The following KRAS variants were observed in gnomAD, a reference collection of about 807,000 sequenced individuals.
KRAS encodes the protein GTPase KRas.
In KRAS, 1 loss-of-function variant was observed where a neutral mutation model predicts 21.0. The observed-to-expected ratio is 0.05, with a 90% CI of 0.02 to 0.23. The LOEUF (loss-of-function observed/expected upper bound fraction) is 0.23, where lower values mean the gene tolerates loss of function less well. Among genes scored for constraint, KRAS ranks in the 10% least tolerant of loss-of-function variants. The probability of loss-of-function intolerance (pLI) is 1.00; values close to 1 mark genes in which losing one functional copy is unlikely to be tolerated. For synonymous variants in KRAS, 67 were observed against 72.5 expected (o/e 0.92, Z 0.39); for missense variants, 107 against 221.8 (o/e 0.48, Z 3.29).
rs529619406 is a variant in KRAS, at chr12:25,218,587, A to T, written c.450+7027T>A. Among the ~76,000 whole-genome samples, 12 of 152,276 alleles carry T rather than the reference A, an allele frequency of 7.9e-5. 1 individual carries two copies. Among genetic ancestry groups the T allele is most frequent in the African/African-American group, 2.9e-4 (12 of 41,556 alleles). ...TAAGAAACTTAGGTTTTAGAGTACC[A>T]GTTATTTACCACAGTTTTTCAGACT... On this transcript the variant is annotated intron_variant, in intron 4 of 4. Coordinates refer to ENST00000311936, the MANE Select transcript of KRAS (RefSeq NM_004985.5).
chr12:25,241,250 A>G (rs574128819), intron 2 of KRAS, among the ~76,000 whole-genome samples: 3 of 152,350 alleles, frequency 2.0e-5, no homozygotes, highest in Admixed American at 6.5e-5. Context: ...AATCAATCAT[A>G]TAAGACTTTT....
Position 25,209,729 on chromosome 12 carries a change from T to G in KRAS, c.*66A>C. On this transcript the variant is annotated 3_prime_UTR_variant, in exon 5 of 5. Coordinates refer to ENST00000311936, the MANE Select transcript of KRAS (RefSeq NM_004985.5). ...GTAATGCTAAAACAAATGCTAATAA[T>G]TTAGTGTAATGTACAAAAATTACCA... 1 of 1,573,558 alleles carries G rather than the reference T, an allele frequency of 6.4e-7. No individual in the cohort carries two copies. Among genetic ancestry groups the G allele is most frequent in the Non-Finnish European group, 8.6e-7 (1 of 1,160,778 alleles).
chr12:25,209,357 C>A lies in KRAS; in HGVS notation c.*438G>T. The A allele has an allele frequency of 1.6e-6, 1 of 617,742 alleles. No individual in the cohort carries two copies. The highest frequency in any genetic ancestry group is 2.7e-5 in the South Asian group (1 of 37,526). The allele number at this position is 617,742 out of a possible 1,614,324, so 38.3% of individuals were successfully genotyped here. On this transcript the variant is annotated 3_prime_UTR_variant, in exon 5 of 5. Coordinates refer to ENST00000311936, the MANE Select transcript of KRAS (RefSeq NM_004985.5). ...GGAAGCCCATAAATTTGTGTTCCCT[C>A]AATGTTTCAGTAAAAACCAATTAGA...
intron 4 of KRAS, chr12:25,215,382 A>G (rs1342650874): frequency 6.2e-7 from 1 of 1,609,036 alleles, no homozygotes; most frequent in Non-Finnish European, 8.5e-7. Flanking sequence ...CCACCTTGTT[A>G]CCTTTAAAAG....
chr12:25,242,411 T>G (rs1164467320), intron 2 of KRAS, among the ~76,000 whole-genome samples: 1 of 152,196 alleles, frequency 6.6e-6, no homozygotes, highest in Non-Finnish European at 1.5e-5. Flanking sequence ...ACTTCAGGGT[T>G]TTGATAATAA....
At chr12:25,247,947 TAC>T (rs1951705575) in intron 1 of KRAS, among the ~76,000 whole-genome samples, 1 of 152,202 alleles carries the variant, frequency 6.6e-6, no homozygotes, top group South Asian at 2.1e-4. Flanking sequence ...TTTAAATGAA[TAC>T]ATTTTAAAAA....
intron 4 of KRAS, among the ~76,000 whole-genome samples, chr12:25,218,919 G>GA (rs1370034355): frequency 3.1e-4 from 33 of 108,194 alleles, no homozygotes; most frequent in East Asian, 2.2e-3. Context: ...GGGGTTTTTT[G>GA]TTTTTTTTTA....
chr12:25,214,690 A>C (rs4246228), intron 4 of KRAS, among the ~76,000 whole-genome samples: 74,943 of 152,088 alleles, frequency 0.49, 19,414 homozygotes, highest in East Asian at 0.8. Flanking sequence ...GCCCGGCCAA[A>C]AATGACATTT....
intron 4 of KRAS, among the ~76,000 whole-genome samples, chr12:25,224,418 A>C (rs1951365153): frequency 6.6e-6 from 1 of 152,096 alleles, no homozygotes; most frequent in Non-Finnish European, 1.5e-5. Context: ...TTTTAACAAA[A>C]AAGTTTAATA....
chr12:25,221,234 C>CTTT (rs34499686), intron 4 of KRAS, among the ~76,000 whole-genome samples: 1 of 138,872 alleles, frequency 7.2e-6, no homozygotes, highest in Non-Finnish European at 1.6e-5. Context: ...CAGCCACAGC[C>CTTT]TTTTTTTTTT....
In KRAS at chr12:25,227,328, C is replaced by T. The variant is rs1951405901; in HGVS notation, c.196G>A (p.Ala66Thr). ...GTCCTCATGTACTGGTCCCTCATTG[C>T]ACTGTACTCCTCTTGACCTGCTGTG... Reference protein sequence around the residue: ...LDTAGQEEYSAMRDQYMRTGE... With the variant: ...LDTAGQEEYSTMRDQYMRTGE... Residue 66 changes from alanine to threonine, a missense_variant, in exon 3 of 5, where the codon GCA (alanine) becomes ACA (threonine). Transcript: ENST00000311936. 6.2e-7 allele frequency: 1 copy of T among 1,613,966 alleles called. No homozygotes were observed.
At chr12:25,226,299 T>G (rs534700730) in intron 3 of KRAS, among the ~76,000 whole-genome samples, 1 of 152,186 alleles carries the variant, frequency 6.6e-6, no homozygotes, top group South Asian at 2.1e-4. Flanking sequence ...TCATTTTCAA[T>G]ATAACAAGTG....
At chr12:25,242,647 A>G (rs755537213) in intron 2 of KRAS, among the ~76,000 whole-genome samples, 1 of 152,212 alleles carries the variant, frequency 6.6e-6, no homozygotes, top group African/African-American at 2.4e-5. Context: ...ATGATTTTAC[A>G]TCATACCTCT....
rs727504633 is a variant in KRAS, at chr12:25,225,603, G to C, written c.450+11C>G. 2.5e-6 allele frequency: 4 copies of C among 1,611,700 alleles called. No homozygotes were observed. The highest frequency in any genetic ancestry group is 3.4e-6 in the Non-Finnish European group (4 of 1,178,630). ...AGAAAACAGATCTGTATTTATTTCA[G>C]TGTTACTTACCTGTCTTGTCTTTGC... On this transcript the variant is annotated intron_variant, in intron 4 of 4. Coordinates refer to ENST00000311936, the MANE Select transcript of KRAS (RefSeq NM_004985.5).
At position 25,226,405 on chromosome 12, in the gene KRAS, A is replaced by G. The variant is rs1189756445; in HGVS notation, c.291-632T>C. On this transcript the variant is annotated intron_variant, in intron 3 of 4. Coordinates refer to ENST00000311936, the MANE Select transcript of KRAS (RefSeq NM_004985.5). ...AAAGAAGGAGCAGAGCAGACAACAG[A>G]GTCAGAATTGGCTCAAATTCCCGGT... Among the ~76,000 whole-genome samples the G allele has an allele frequency of 2.0e-5, 3 of 152,182 alleles. No individual in the cohort carries two copies. The East Asian group carries it at 5.8e-4, about 29-fold the overall frequency.
intron 2 of KRAS, among the ~76,000 whole-genome samples, chr12:25,238,526 A>T (rs61761095): frequency 0.02 from 3,036 of 152,330 alleles, 79 homozygotes; most frequent in African/African-American, 0.069. Context: ...ATCTAACGGT[A>T]TCTGAAACTT....
intron 2 of KRAS, among the ~76,000 whole-genome samples, chr12:25,232,867 AT>A (rs1332801262): frequency 1.3e-5 from 2 of 152,218 alleles, no homozygotes; most frequent in Admixed American, 1.3e-4. Context: ...TAAGCACAAT[AT>A]TTTTGGAAAG....
intron 2 of KRAS, chr12:25,235,294 GTTAT>G (rs1325362502): frequency 1.0e-5 from 5 of 486,636 alleles, no homozygotes; most frequent in Non-Finnish European, 1.9e-5. Flanking sequence ...CTTCCGAAAG[GTTAT>G]TTAAATTCAC....
At position 25,206,418 on chromosome 12, in the gene KRAS, G is replaced by A. The variant is rs1137188; in HGVS notation, c.*3377C>T. On this transcript the variant is annotated 3_prime_UTR_variant, in exon 5 of 5. Coordinates refer to ENST00000311936, the MANE Select transcript of KRAS (RefSeq NM_004985.5). ...TAAAAAAACTTCAACAAGGATTTTT[G>A]TCTTTAAGGCTGTAATAATTAGGTA... The A allele has an allele frequency of 0.51, 103,573 of 203,408 alleles. 27,720 individuals are homozygous for A. The highest frequency in any genetic ancestry group is 0.79 in the East Asian group (10,085 of 12,794). 12.6% of individuals were successfully genotyped at this position (203,408 alleles called of 1,614,324 possible).
Sources: gnomAD v4.1 joint callset for allele counts (sites outside exome capture counted in the v4.1 genomes callset) on GRCh38, gnomAD v4.1.1 for gene constraint, MANE v1.5 for transcripts, NCBI Gene and HGNC (gene_info 2026-07-23, HGNC 2026-07-21) for gene names.